TIAM2: variants seen among roughly 807,000 people sequenced by gnomAD.
TIAM2 encodes rho guanine nucleotide exchange factor TIAM2.
Under a neutral mutation model 152.9 loss-of-function variants are expected in TIAM2, and 80 were observed. The observed-to-expected ratio is 0.52, with a 90% CI of 0.44 to 0.63. TIAM2 has a LOEUF of 0.63. Among genes scored for constraint, TIAM2 ranks in the 30% least tolerant of loss-of-function variants. TIAM2 has a pLI of 0.00. For missense variants in TIAM2, 1,965 were observed against 2,120.1 expected, an observed-to-expected ratio of 0.93 and a Z score of 1.44; for synonymous variants, 804 against 838.0, an observed-to-expected ratio of 0.96 and a Z score of 0.70.
intron 1 of TIAM2, among the ~76,000 whole-genome samples, chr6:155,079,320 C>T (rs1778015530): frequency 6.6e-6 from 1 of 152,176 alleles, no homozygotes; most frequent in Non-Finnish European, 1.5e-5. Context: ...CCTTGGCCTC[C>T]CAAAGTGCCG....
intron 2 of TIAM2, among the ~76,000 whole-genome samples, chr6:155,124,769 C>T (rs902574004): frequency 7.9e-5 from 12 of 151,970 alleles, no homozygotes; most frequent in African/African-American, 2.4e-4. Context: ...GGTAGGGTGC[C>T]GGCAGTATAG....
intron 7 of TIAM2, among the ~76,000 whole-genome samples, chr6:155,155,231 C>T (rs1780075988): frequency 6.6e-6 from 1 of 151,658 alleles, no homozygotes; most frequent in Non-Finnish European, 1.5e-5. Flanking sequence ...GGCTGGAGTG[C>T]AGTGGCATGG....
chr6:155,248,053 C>A lies in TIAM2; in HGVS notation c.3706C>A (p.Gln1236Lys). The change falls in exon 20 of 27, where the codon CAG becomes AAG. Residue 1236 changes from glutamine to lysine, a missense_variant. Around this residue, in one of 3 missense-constraint regions of TIAM2, gnomAD observed 935 missense variants for 980.0 expected, o/e 0.95. Coordinates refer to ENST00000682666, the MANE Select transcript of TIAM2 (RefSeq NM_012454.4). ...TCTGGACGCCCGGAACCCCACCAAG[C>A]AGCATTCCTCCACGCTGGAGTCCTA... The part of the protein sequence containing the change: ...AFLDARNPTK[Q>K]HSSTLESYLI... 1.2e-6 allele frequency: 2 copies of A among 1,614,234 alleles called. No homozygotes were observed. The highest frequency in any genetic ancestry group is 1.7e-6 in the Non-Finnish European group (2 of 1,180,038).
At chr6:155,250,451 G>T in intron 21 of TIAM2, 1 of 1,130,490 alleles carries the variant, frequency 8.8e-7, no homozygotes, top group African/African-American at 1.5e-5. Flanking sequence ...AAGTAGCATA[G>T]TTTAGGGAGA....
intron 15 of TIAM2, among the ~76,000 whole-genome samples, chr6:155,234,321 A>G (rs1296678566): frequency 6.6e-6 from 1 of 152,164 alleles, no homozygotes; most frequent in African/African-American, 2.4e-5. Flanking sequence ...ACTTTTAGAG[A>G]TAGAGCCTCA....
At chr6:155,224,548 A>G (rs1782173913) in intron 15 of TIAM2, among the ~76,000 whole-genome samples, 1 of 152,216 alleles carries the variant, frequency 6.6e-6, no homozygotes, top group South Asian at 2.1e-4. Flanking sequence ...AGGGCAAGAA[A>G]AACATGGATG....
chr6:155,181,387 T>G (rs4143684), intron 12 of TIAM2, among the ~76,000 whole-genome samples: 110,836 of 152,164 alleles, frequency 0.73, 40,864 homozygotes, highest in African/African-American at 0.84. Context: ...TCAACAATTA[T>G]TTGTTGTATT....
At chr6:155,105,353 G>C (rs1378960944) in intron 2 of TIAM2, among the ~76,000 whole-genome samples, 1 of 150,874 alleles carries the variant, frequency 6.6e-6, no homozygotes, top group Non-Finnish European at 1.5e-5. Flanking sequence ...GTTTCACTGT[G>C]TTGGCCAGGC....
intron 14 of TIAM2, among the ~76,000 whole-genome samples, chr6:155,208,976 G>A (rs978835012): frequency 6.6e-6 from 1 of 151,772 alleles, no homozygotes; most frequent in Non-Finnish European, 1.5e-5. Flanking sequence ...CCCTCTCCCC[G>A]CTGCCCACCC....
chr6:155,222,606 C>CA (rs1227921361), intron 15 of TIAM2, among the ~76,000 whole-genome samples: 1 of 70,048 alleles, frequency 1.4e-5, no homozygotes, highest in Non-Finnish European at 2.8e-5. Context: ...GTTTCAAAAA[C>CA]AAAAAACAAA....
chr6:155,086,585 T>C (rs1778174522), intron 1 of TIAM2, among the ~76,000 whole-genome samples: 1 of 151,734 alleles, frequency 6.6e-6, no homozygotes, highest in Non-Finnish European at 1.5e-5. Flanking sequence ...CGTGCACCTG[T>C]AATCCCGGCT....
At position 155,137,316 on chromosome 6, in the gene TIAM2, C is replaced by T; in HGVS notation, c.1334C>T (p.Ser445Phe). The T allele has an allele frequency of 6.2e-7, 1 of 1,614,200 alleles. No individual in the cohort carries two copies. Among genetic ancestry groups the T allele is most frequent in the African/African-American group, 1.3e-5 (1 of 75,048 alleles). Residue 445 changes from serine (S) to phenylalanine (F), a missense_variant, in exon 5 of 27, where the codon TCC (serine) becomes TTC (phenylalanine). Transcript: ENST00000682666. ...CAGATCCTGTCTCAGAGAAGTGAAT[C>T]CACACATGCGATTGGCAGCGATCCC... ...STQILSQRSE[S>F]THAIGSDPLR...
intron 2 of TIAM2, among the ~76,000 whole-genome samples, chr6:155,106,642 C>G (rs1778695601): frequency 6.6e-6 from 1 of 152,188 alleles, no homozygotes; most frequent in East Asian, 1.9e-4. Context: ...TACTACTGCT[C>G]TAAATGCAAG....
chr6:155,192,276 GTCA>G (rs1781224740), intron 14 of TIAM2, among the ~76,000 whole-genome samples: 1 of 152,058 alleles, frequency 6.6e-6, no homozygotes, highest in Admixed American at 6.6e-5. Context: ...GAGTTTACAT[GTCA>G]AGCACCATGT....
chr6:155,205,909 A>G (rs1353493572), intron 14 of TIAM2, among the ~76,000 whole-genome samples: 2 of 152,214 alleles, frequency 1.3e-5, no homozygotes, highest in Admixed American at 6.5e-5. Flanking sequence ...GTAACTGTAC[A>G]TTTTGAATTC....
chr6:155,129,022 T>G lies in TIAM2; in HGVS notation c.-6-196T>G. ...TAATTAGCAGACAGGTGTGCAGTGT[T>G]GTCTGTCTAGCTAATGAGCAGCCTT... On this transcript the variant is annotated intron_variant, in intron 3 of 26. Coordinates refer to ENST00000682666, the MANE Select transcript of TIAM2 (RefSeq NM_012454.4). The surrounding 1 kb of genome is among the most constrained non-coding windows in gnomAD (Gnocchi z 4.8). 1 of 588,710 alleles carries G rather than the reference T, an allele frequency of 1.7e-6. No individual in the cohort carries two copies. Among genetic ancestry groups the G allele is most frequent in the Non-Finnish European group, 3.0e-6 (1 of 332,296 alleles). The allele number at this position is 588,710 out of a possible 1,614,324, so 36.5% of individuals were successfully genotyped here. A position where few individuals can be genotyped will look rare whatever the true frequency, so the allele number is the denominator to read the frequency against.
chr6:155,119,970 G>A lies in TIAM2; in HGVS notation c.-117-7520G>A, dbSNP rs138281587. On this transcript the variant is annotated intron_variant, in intron 2 of 26. Transcript: ENST00000682666. ...TTAAAAATACTGGTATCAATTCATC[G>A]AATGGATTTCATAACCCAACAATGG... 1.1e-3 allele frequency among the ~76,000 whole-genome samples: 174 copies of A among 152,186 alleles called. No individual in the cohort carries two copies. In the Middle Eastern group the frequency reaches 0.017, roughly 15 times the overall value.
intron 15 of TIAM2, among the ~76,000 whole-genome samples, chr6:155,239,792 T>C (rs1782942239): frequency 1.3e-5 from 2 of 152,138 alleles, no homozygotes; most frequent in South Asian, 4.1e-4. Flanking sequence ...CTCGCAGAGG[T>C]TTCCTCTGGG....
At chr6:155,206,436 C>T (rs1240440410) in intron 14 of TIAM2, among the ~76,000 whole-genome samples, 1 of 152,074 alleles carries the variant, frequency 6.6e-6, no homozygotes, top group Non-Finnish European at 1.5e-5. Flanking sequence ...GGGGTTTCAC[C>T]ATGTTAGCCA....
Sources: gnomAD v4.1 joint callset for allele counts (sites outside exome capture counted in the v4.1 genomes callset) on GRCh38, gnomAD v4.1.1 for gene constraint, gnomAD v4.1.1 regional missense constraint, Gnocchi (gnomAD v3.1) non-coding constraint, MANE v1.5 for transcripts, NCBI Gene and HGNC (gene_info 2026-07-23, HGNC 2026-07-21) for gene names.